Variants in SLC9D1 observed in about 807,000 individuals in gnomAD.
SLC9D1 encodes the protein solute carrier family 9 member D1.
chr13:113,510,890 G>A, the SLC9D1 span, among the ~76,000 whole-genome samples: 4 of 152,168 alleles, frequency 2.6e-5, no homozygotes, highest in Admixed American at 6.5e-5. Context: ...TTCATCGTAT[G>A]TATGAAACAT....
At chr13:113,520,677 G>T in the SLC9D1 span, 1 of 1,614,032 alleles carries the variant, frequency 6.2e-7, no homozygotes, top group Non-Finnish European at 8.5e-7. Context: ...TGCAGCTCGG[G>T]CTCTTCATGG....
At chr13:113,502,141 T>A in the SLC9D1 span, among the ~76,000 whole-genome samples, 1 of 152,356 alleles carries the variant, frequency 6.6e-6, no homozygotes, top group South Asian at 2.1e-4. Context: ...AGTAACGTGC[T>A]GGACCAGGTT....
At chr13:113,531,180 G>A in the SLC9D1 span, among the ~76,000 whole-genome samples, 1 of 152,252 alleles carries the variant, frequency 6.6e-6, no homozygotes, top group Admixed American at 6.5e-5. Flanking sequence ...TGTGAGAACC[G>A]GGACAGCCCT....
the SLC9D1 span, among the ~76,000 whole-genome samples, chr13:113,527,012 G>A: frequency 6.6e-6 from 1 of 152,244 alleles, no homozygotes; most frequent in Non-Finnish European, 1.5e-5. Flanking sequence ...GTGCCAGGCG[G>A]CCTGGGTGGG....
At chr13:113,499,799 T>A in the SLC9D1 span, among the ~76,000 whole-genome samples, 3 of 152,218 alleles carry the variant, frequency 2.0e-5, no homozygotes, top group Non-Finnish European at 4.4e-5. Context: ...CCTAAACCTA[T>A]CCATTCTTAA....
At chr13:113,529,705 C>T in the SLC9D1 span, 2 of 152,050 alleles carry the variant, frequency 1.3e-5, no homozygotes, top group Admixed American at 6.6e-5. Context: ...CCACGTTCCT[C>T]CTGACGCTAA....
chr13:113,532,107 A>G, the SLC9D1 span, among the ~76,000 whole-genome samples: 1 of 152,196 alleles, frequency 6.6e-6, no homozygotes, highest in Admixed American at 6.5e-5. Context: ...AGTGCTCTGC[A>G]CACAGTGCTC....
the SLC9D1 span, among the ~76,000 whole-genome samples, chr13:113,498,058 A>G: frequency 2.6e-5 from 4 of 152,238 alleles, no homozygotes; most frequent in African/African-American, 9.6e-5. Flanking sequence ...CTGTTGAGTA[A>G]ATGAGTTTTG....
the SLC9D1 span, chr13:113,548,364 G>A: frequency 1.9e-6 from 3 of 1,613,810 alleles, no homozygotes; most frequent in African/African-American, 2.7e-5. Flanking sequence ...TACATCAAGT[G>A]GATCGTCTCT....
At chr13:113,525,848 G>T in the SLC9D1 span, among the ~76,000 whole-genome samples, 4 of 149,792 alleles carry the variant, frequency 2.7e-5, no homozygotes, top group East Asian at 7.9e-4. Flanking sequence ...TGTTATTCTA[G>T]AACAAGCCAT....
At chr13:113,549,406 C>T in the SLC9D1 span, 9 of 1,612,754 alleles carry the variant, frequency 5.6e-6, no homozygotes, top group Middle Eastern at 1.8e-4. Context: ...GTGACCCGCT[C>T]TGCACTTTGC....
At chr13:113,508,663 T>C in the SLC9D1 span, among the ~76,000 whole-genome samples, 7 of 152,200 alleles carry the variant, frequency 4.6e-5, no homozygotes, top group East Asian at 1.4e-3. Flanking sequence ...GACATCTCAG[T>C]GTTCAGATGA....
chr13:113,492,795 G>A, the SLC9D1 span, among the ~76,000 whole-genome samples: 1 of 152,126 alleles, frequency 6.6e-6, no homozygotes, highest in Non-Finnish European at 1.5e-5. Flanking sequence ...CTACTTGGGA[G>A]GCTGAGGCAG....
the SLC9D1 span, among the ~76,000 whole-genome samples, chr13:113,514,998 A>G: frequency 9.9e-5 from 15 of 152,212 alleles, no homozygotes; most frequent in African/African-American, 3.4e-4. Context: ...GATTGCAGGC[A>G]TGAGCCACCG....
the SLC9D1 span, among the ~76,000 whole-genome samples, chr13:113,509,544 G>A: frequency 0.022 from 3,325 of 152,200 alleles, 105 homozygotes; most frequent in African/African-American, 0.065. Context: ...CACAGCCCCT[G>A]CACCCCTTCC....
chr13:113,498,491 A>T, the SLC9D1 span: 2 of 1,592,568 alleles, frequency 1.3e-6, no homozygotes, highest in East Asian at 4.6e-5. Flanking sequence ...AGGAAGAGAT[A>T]GAGGAACATG....
the SLC9D1 span, among the ~76,000 whole-genome samples, chr13:113,539,751 G>A: frequency 3.3e-5 from 5 of 152,060 alleles, no homozygotes; most frequent in Non-Finnish European, 4.4e-5. The surrounding 1 kb of genome is among the most constrained non-coding windows in gnomAD (Gnocchi z 4.8). Flanking sequence ...CTCAGGGTAC[G>A]TGTGTGGGTC....
the SLC9D1 span, among the ~76,000 whole-genome samples, chr13:113,503,177 TA>T: frequency 6.6e-6 from 1 of 152,200 alleles, no homozygotes; most frequent in Admixed American, 6.5e-5. Flanking sequence ...AACCAACAAA[TA>T]AGGTGAAGTG....
At chr13:113,547,349 G>A in the SLC9D1 span, 1 of 1,614,118 alleles carries the variant, frequency 6.2e-7, no homozygotes, top group Non-Finnish European at 8.5e-7. Context: ...CGGTGCTGGT[G>A]TTCCTCACCT....
Sources: allele counts gnomAD v4.1 joint callset (sites outside exome capture counted in the v4.1 genomes callset), GRCh38; gene constraint gnomAD v4.1.1; non-coding constraint Gnocchi (gnomAD v3.1); transcripts MANE v1.5; gene names NCBI Gene and HGNC (gene_info 2026-07-23, HGNC 2026-07-21).